Variants in PELI2 observed in about 807,000 individuals in gnomAD.
PELI2 encodes pellino E3 ubiquitin protein ligase family member 2.
In PELI2, 23 loss-of-function variants were observed where a neutral mutation model predicts 42.3. The observed-to-expected ratio is 0.54, with a 90% confidence interval of 0.39 to 0.77. PELI2 has a LOEUF of 0.77. Among genes scored for constraint, PELI2 ranks in the 30% least tolerant of loss-of-function variants. The probability of loss-of-function intolerance (pLI) is 0.00; values close to 1 mark genes in which losing one functional copy is unlikely to be tolerated. For synonymous variants in PELI2, 245 were observed against 212.2 expected, an observed-to-expected ratio of 1.15 and a Z score of -1.34; for missense variants, 463 against 553.2, an observed-to-expected ratio of 0.84 and a Z score of 1.64.
intron 1 of PELI2, among the ~76,000 whole-genome samples, chr14:56,170,326 C>T (rs150933462): frequency 1.5e-3 from 231 of 152,302 alleles, no homozygotes; most frequent in African/African-American, 5.3e-3. Context: ...TAAACCGTGA[C>T]GTCTCCAAAA....
At chr14:56,208,303 GAGA>G (rs1272332808) in intron 2 of PELI2, among the ~76,000 whole-genome samples, 1 of 152,200 alleles carries the variant, frequency 6.6e-6, no homozygotes, top group Non-Finnish European at 1.5e-5. Context: ...CTTTCCAGAA[GAGA>G]TGTCATCTAA....
chr14:56,197,234 A>G lies in PELI2; in HGVS notation c.207+18770A>G, dbSNP rs978923224. On this transcript the variant is annotated intron_variant, in intron 2 of 5. Transcript: ENST00000267460. This position sits in a 1 kb window ranked among gnomAD's most constrained non-coding sequence, Gnocchi z 4.9. ...GCTCAGCACTGTCAAGGAAACAAACAGTGGAGAATACTGTGAGGGCCAGGG... is the reference window on the plus strand; with the variant it reads ...GCTCAGCACTGTCAAGGAAACAAACGGTGGAGAATACTGTGAGGGCCAGGG... 7.9e-5 allele frequency among the ~76,000 whole-genome samples: 12 copies of G among 152,242 alleles called. No homozygotes were observed. Among genetic ancestry groups the G allele is most frequent in the African/African-American group, 2.9e-4 (12 of 41,466 alleles).
intron 1 of PELI2, among the ~76,000 whole-genome samples, chr14:56,161,644 T>C (rs1884769437): frequency 6.6e-6 from 1 of 152,226 alleles, no homozygotes; most frequent in African/African-American, 2.4e-5. Flanking sequence ...GGGTGTCTTT[T>C]TGTTTCCTAA....
chr14:56,127,866 T>C (rs1284791515), intron 1 of PELI2, among the ~76,000 whole-genome samples: 1 of 152,174 alleles, frequency 6.6e-6, no homozygotes, highest in Non-Finnish European at 1.5e-5. Flanking sequence ...ATCAACTGAG[T>C]GTAAAAGAAA....
chr14:56,182,733 T>C (rs242392), intron 2 of PELI2, among the ~76,000 whole-genome samples: 28,649 of 152,128 alleles, frequency 0.19, 3,448 homozygotes, highest in East Asian at 0.53. Flanking sequence ...CTCTACTGGT[T>C]GATAAAATAT....
rs1566632225 is a variant in PELI2, at chr14:56,198,003, CACACACA to C, written c.207+19540_207+19546del. The stretch of plus-strand genomic sequence containing the variant: ...ACACACACACACACACACACACACA[CACACACA>C]CACCCACCTCTTTGGTCCACTTCTC... On this transcript the variant is annotated intron_variant, in intron 2 of 5. Coordinates refer to ENST00000267460, the MANE Select transcript of PELI2 (RefSeq NM_021255.3). Among the ~76,000 whole-genome samples the C allele has an allele frequency of 8.2e-4, 110 of 134,718 alleles. 1 individual carries two copies. The highest frequency in any genetic ancestry group is 2.3e-3 in the African/African-American group (90 of 39,106). 88.4% of individuals were successfully genotyped at this position (134,718 alleles called of 152,430 possible).
At position 56,174,185 on chromosome 14, in the gene PELI2, G is replaced by A. The variant is rs530809917; in HGVS notation, c.78-4150G>A. Among the ~76,000 whole-genome samples, 6 of 152,330 alleles carry A rather than the reference G, an allele frequency of 3.9e-5. No homozygotes were observed. The South Asian group carries it at 1.0e-3, about 26-fold the overall frequency. On this transcript the variant is annotated intron_variant, in intron 1 of 5. Coordinates refer to ENST00000267460, the MANE Select transcript of PELI2 (RefSeq NM_021255.3). The stretch of plus-strand genomic sequence containing the variant: ...CCCAAAGTGCCGGGATTACAGGCAT[G>A]AGCCATCATGCCCAGCCTTGGATTT...
intron 2 of PELI2, among the ~76,000 whole-genome samples, chr14:56,246,442 G>A (rs1888161724): frequency 6.6e-6 from 1 of 152,054 alleles, no homozygotes; most frequent in African/African-American, 2.4e-5. Context: ...TCACTTCCAG[G>A]GCAAGTTGCA....
At chr14:56,254,536 C>T (rs1237869151) in intron 2 of PELI2, among the ~76,000 whole-genome samples, 1 of 151,302 alleles carries the variant, frequency 6.6e-6, no homozygotes, top group Non-Finnish European at 1.5e-5. Context: ...ACCATAAAAA[C>T]CCTAGAAGAA....
chr14:56,163,330 G>T (rs1004511288), intron 1 of PELI2, among the ~76,000 whole-genome samples: 4 of 152,068 alleles, frequency 2.6e-5, no homozygotes, highest in African/African-American at 9.7e-5. Context: ...TTATTGAAGA[G>T]ACTTTTTCCC....
chr14:56,121,430 T>C (rs994053402), intron 1 of PELI2, among the ~76,000 whole-genome samples: 2 of 152,254 alleles, frequency 1.3e-5, no homozygotes, highest in African/African-American at 4.8e-5. Flanking sequence ...AGGATTTTAG[T>C]GAGCTCATCA....
At chr14:56,188,849 C>T in intron 2 of PELI2, among the ~76,000 whole-genome samples, 1 of 152,166 alleles carries the variant, frequency 6.6e-6, no homozygotes, top group East Asian at 1.9e-4. Flanking sequence ...TTTTGTGGCT[C>T]ATCTTTCACT....
chr14:56,292,883 A>G, intron 5 of PELI2: 3 of 896,446 alleles, frequency 3.3e-6, no homozygotes, highest in Non-Finnish European at 4.0e-6. Context: ...CATTTATAAT[A>G]TTACTCCAGG....
At chr14:56,211,041 AT>A (rs1207151599) in intron 2 of PELI2, among the ~76,000 whole-genome samples, 1 of 152,216 alleles carries the variant, frequency 6.6e-6, no homozygotes, top group African/African-American at 2.4e-5. Flanking sequence ...CATATTGTAT[AT>A]GCAAGATTTC....
At chr14:56,279,814 T>C (rs746613731) in intron 3 of PELI2, 37 bp downstream of exon 3, 4 of 1,085,036 alleles carry the variant, frequency 3.7e-6, no homozygotes, top group Non-Finnish European at 5.6e-6. Context: ...TTTTAGCACG[T>C]TTTCCTTTAA....
chr14:56,238,469 C>G (rs1887870223), intron 2 of PELI2, among the ~76,000 whole-genome samples: 1 of 152,108 alleles, frequency 6.6e-6, no homozygotes, highest in Non-Finnish European at 1.5e-5. Context: ...GGAGGCAGTT[C>G]TAGCAGTGGT....
intron 2 of PELI2, among the ~76,000 whole-genome samples, chr14:56,227,048 T>C (rs2139761139): frequency 6.6e-6 from 1 of 152,360 alleles, no homozygotes; most frequent in Middle Eastern, 3.4e-3. Context: ...AATGTGTCTA[T>C]TATACAAAAT....
intron 2 of PELI2, among the ~76,000 whole-genome samples, chr14:56,190,576 C>T (rs1594624141): frequency 6.6e-6 from 1 of 152,100 alleles, no homozygotes; most frequent in African/African-American, 2.4e-5. Flanking sequence ...CCTGACCAAA[C>T]ACCACAGATT....
At chr14:56,290,233 A>G (rs749983417) in intron 4 of PELI2, 35 bp from the exon 5 acceptor site, 1 of 1,454,190 alleles carries the variant, frequency 6.9e-7, no homozygotes, top group Admixed American at 2.1e-5. Flanking sequence ...ACATCATCTT[A>G]ACCTACTTTT....
Sources: gnomAD v4.1 joint callset for allele counts (sites outside exome capture counted in the v4.1 genomes callset) on GRCh38, gnomAD v4.1.1 for gene constraint, Gnocchi (gnomAD v3.1) non-coding constraint, MANE v1.5 for transcripts, NCBI Gene and HGNC (gene_info 2026-07-23, HGNC 2026-07-21) for gene names.